GRID2: variants seen among roughly 807,000 people sequenced by gnomAD.
GRID2 encodes glutamate receptor ionotropic, delta-2.
A neutral mutation model predicts 114.8 loss-of-function variants in GRID2; 33 were observed. The ratio of observed to expected loss-of-function variants is 0.29; its 90% CI spans 0.22 to 0.38. The LOEUF is 0.38. GRID2 is among the 10% of genes least tolerant of loss of function. The pLI is 1.00. For missense variants in GRID2, 1,184 were observed against 1,257.7 expected (o/e 0.94, Z 0.89); for synonymous variants, 505 against 449.9 (o/e 1.12, Z -1.55).
At chr4:93,788,564 G>A (rs924236829) in intron 1 of GRID2, among the ~76,000 whole-genome samples, 1 of 151,858 alleles carries the variant, frequency 6.6e-6, no homozygotes, top group African/African-American at 2.4e-5. Flanking sequence ...TGCAATTTTT[G>A]TAAATTACAC....
intron 2 of GRID2, among the ~76,000 whole-genome samples, chr4:92,932,807 T>A (rs1750349600): frequency 6.6e-6 from 1 of 151,312 alleles, no homozygotes; most frequent in Non-Finnish European, 1.5e-5. Context: ...AAGTCAGATA[T>A]AAAAAGTATA....
chr4:93,347,176 G>A (rs1373175553), intron 8 of GRID2, among the ~76,000 whole-genome samples: 1 of 151,712 alleles, frequency 6.6e-6, no homozygotes, highest in African/African-American at 2.4e-5. Flanking sequence ...ACACTACCAT[G>A]GGAAGCTGAA....
chr4:93,686,640 G>C (rs973150035), intron 14 of GRID2, among the ~76,000 whole-genome samples: 13 of 151,978 alleles, frequency 8.6e-5, no homozygotes, highest in Non-Finnish European at 5.9e-5. Context: ...GGACAGTTAG[G>C]ACAGATCTTT....
chr4:92,783,613 G>A (rs1391452488), intron 2 of GRID2, among the ~76,000 whole-genome samples: 1 of 151,974 alleles, frequency 6.6e-6, no homozygotes, highest in Non-Finnish European at 1.5e-5. Flanking sequence ...GCCAGAGTTG[G>A]TGGCTTATAC....
intron 2 of GRID2, among the ~76,000 whole-genome samples, chr4:92,911,551 T>A (rs1196578119): frequency 6.6e-6 from 1 of 151,956 alleles, no homozygotes; most frequent in Non-Finnish European, 1.5e-5. Context: ...AAATACTATG[T>A]CATTTGTGCA....
chr4:93,736,783 A>C (rs138043056), intron 14 of GRID2, among the ~76,000 whole-genome samples: 1 of 146,590 alleles, frequency 6.8e-6, no homozygotes, highest in African/African-American at 2.5e-5. Flanking sequence ...CTAAGAGAAA[A>C]GCCTGAAGTA....
intron 8 of GRID2, among the ~76,000 whole-genome samples, chr4:93,325,885 A>C (rs983787683): frequency 6.6e-6 from 1 of 152,038 alleles, no homozygotes; most frequent in African/African-American, 2.4e-5. Context: ...GAGTTAGTTG[A>C]ACATTTTTGT....
intron 1 of GRID2, among the ~76,000 whole-genome samples, chr4:92,400,723 A>G (rs1402365495): frequency 1.3e-5 from 2 of 152,100 alleles, no homozygotes; most frequent in African/African-American, 4.8e-5. Flanking sequence ...CATTACCACC[A>G]TTAACGCATG....
chr4:92,948,113 A>G (rs1329246812), intron 2 of GRID2, among the ~76,000 whole-genome samples: 1 of 151,914 alleles, frequency 6.6e-6, no homozygotes, highest in East Asian at 1.9e-4. Context: ...ATTTTTTTAT[A>G]AAGCCATTAT....
chr4:93,110,006 A>G (rs1732613995), intron 3 of GRID2, among the ~76,000 whole-genome samples: 1 of 152,154 alleles, frequency 6.6e-6, no homozygotes, highest in African/African-American at 2.4e-5. Flanking sequence ...ATTTTGGAAT[A>G]AGTATGTAAA....
chr4:93,056,092 C>A (rs1426288343), intron 2 of GRID2, among the ~76,000 whole-genome samples: 3 of 151,932 alleles, frequency 2.0e-5, no homozygotes, highest in African/African-American at 7.2e-5. Flanking sequence ...TCTCTTAGAG[C>A]AGTTTGGAAA....
rs755457769 is a variant in GRID2 at position 93,288,585 on chromosome 4, C to CT, written c.1245+50096dup. Among the ~76,000 whole-genome samples, 83 of 152,188 alleles carry CT rather than the reference C, an allele frequency of 5.5e-4. 1 individual carries two copies. Among genetic ancestry groups the CT allele is most frequent in the Admixed American group, 1.7e-3 (26 of 15,272 alleles). ...AAAGAGAATTGGCTTGCTAATAACTCTGAGTTTCCTGGGCTTCCTCACCTA... is the reference window on the plus strand; with the variant it reads ...AAAGAGAATTGGCTTGCTAATAACTCTTGAGTTTCCTGGGCTTCCTCACCTA... On this transcript the variant is annotated intron_variant, in intron 8 of 15. Transcript: ENST00000282020.
chr4:92,880,661 C>G (rs1056537743), intron 2 of GRID2, among the ~76,000 whole-genome samples: 12 of 152,010 alleles, frequency 7.9e-5, no homozygotes, highest in African/African-American at 2.9e-4. Context: ...ATAAATATGG[C>G]CTTTTCAAAA....
At chr4:93,388,010 G>A (rs1240889039) in intron 8 of GRID2, among the ~76,000 whole-genome samples, 2 of 151,982 alleles carry the variant, frequency 1.3e-5, no homozygotes, top group African/African-American at 2.4e-5. Context: ...TCTTGAACAC[G>A]TGGAAATTTA....
intron 1 of GRID2, among the ~76,000 whole-genome samples, chr4:92,360,169 T>C (rs1312496751): frequency 6.6e-6 from 1 of 151,996 alleles, no homozygotes; most frequent in Non-Finnish European, 1.5e-5. Context: ...AGCAATACAT[T>C]GGCTCTAGAT....
intron 13 of GRID2, among the ~76,000 whole-genome samples, chr4:93,569,892 C>T (rs183383829): frequency 6.6e-6 from 1 of 152,302 alleles, no homozygotes; most frequent in Admixed American, 6.5e-5. Flanking sequence ...TATCCTCCAA[C>T]ACTTTCCATC....
At chr4:93,412,238 C>A (rs543435744) in intron 9 of GRID2, among the ~76,000 whole-genome samples, 31 of 150,850 alleles carry the variant, frequency 2.1e-4, no homozygotes, top group Admixed American at 7.9e-4. Context: ...ATCCCCCCCC[C>A]CCAAAAAAAA....
intron 2 of GRID2, among the ~76,000 whole-genome samples, chr4:92,894,010 G>A (rs1746979353): frequency 6.6e-6 from 1 of 151,796 alleles, no homozygotes; most frequent in Admixed American, 6.6e-5. Flanking sequence ...ATTACCTAGA[G>A]TGTGGGTACT....
At chr4:93,014,061 TG>T (rs1722444833) in intron 2 of GRID2, among the ~76,000 whole-genome samples, 1 of 152,064 alleles carries the variant, frequency 6.6e-6, no homozygotes, top group Non-Finnish European at 1.5e-5. Context: ...TTGAGCACTT[TG>T]TGGAGAGAAA....
Sources: gnomAD v4.1 joint callset for allele counts (sites outside exome capture counted in the v4.1 genomes callset) on GRCh38, gnomAD v4.1.1 for gene constraint, MANE v1.5 for transcripts, NCBI Gene and HGNC (gene_info 2026-07-23, HGNC 2026-07-21) for gene names.